PIGL: variants seen among roughly 807,000 people sequenced by gnomAD.
The protein encoded by PIGL is phosphatidylinositol glycan anchor biosynthesis class L.
A neutral mutation model predicts 31.1 loss-of-function variants in PIGL; 22 were observed. That is an observed-to-expected ratio of 0.71 (90% CI 0.51 to 1.01). The LOEUF is 1.01. Among genes scored for constraint, PIGL ranks in the 50% least tolerant of loss-of-function variants. The pLI is 0.00. For synonymous variants in PIGL, 131 were observed against 117.4 expected (o/e 1.12, Z -0.75); for missense variants, 302 against 315.9 (o/e 0.96, Z 0.33).
At chr17:16,263,500 TTTTGTTTG>T (rs2092827830) in intron 2 of PIGL, among the ~76,000 whole-genome samples, 1 of 151,380 alleles carries the variant, frequency 6.6e-6, no homozygotes, top group Admixed American at 6.6e-5. Context: ...ATTGGTTTTT[TTTTGTTTG>T]TTTTGTTTAG....
At chr17:16,324,064 C>G (rs1050588993) in intron 6 of PIGL, among the ~76,000 whole-genome samples, 1 of 151,724 alleles carries the variant, frequency 6.6e-6, no homozygotes, top group Non-Finnish European at 1.5e-5. Flanking sequence ...TCAAGCGAGT[C>G]CCCTGCCTCA....
intron 1 of PIGL, among the ~76,000 whole-genome samples, chr17:16,227,187 C>T (rs1386255974): frequency 6.6e-6 from 1 of 151,972 alleles, no homozygotes; most frequent in African/African-American, 2.4e-5. Context: ...CGGCTCACTG[C>T]AACCTCCACC....
intron 3 of PIGL, among the ~76,000 whole-genome samples, chr17:16,310,092 A>AAG (rs1555866652): frequency 2.6e-5 from 4 of 151,418 alleles, no homozygotes; most frequent in Admixed American, 1.3e-4. Flanking sequence ...AAAAAAAAAA[A>AAG]AAAGAAAGAA....
At chr17:16,292,276 C>T (rs1399979367) in intron 2 of PIGL, among the ~76,000 whole-genome samples, 1 of 151,758 alleles carries the variant, frequency 6.6e-6, no homozygotes, top group Non-Finnish European at 1.5e-5. Context: ...TCAGGTGATC[C>T]ACCCGCCTCA....
At chr17:16,265,694 C>T (rs1235325981) in intron 2 of PIGL, among the ~76,000 whole-genome samples, 1 of 151,388 alleles carries the variant, frequency 6.6e-6, no homozygotes, top group African/African-American at 2.4e-5. Context: ...GAGCCAAGAT[C>T]GCACCACTGC....
chr17:16,319,609 G>A (rs1334595583), intron 6 of PIGL, among the ~76,000 whole-genome samples: 1 of 152,060 alleles, frequency 6.6e-6, no homozygotes, highest in Non-Finnish European at 1.5e-5. Context: ...CAAAAAAGTA[G>A]CCGGGCGTGG....
intron 2 of PIGL, among the ~76,000 whole-genome samples, chr17:16,274,968 G>A (rs961555563): frequency 6.6e-6 from 1 of 151,560 alleles, no homozygotes; most frequent in African/African-American, 2.4e-5. Flanking sequence ...GGAGGCAGAG[G>A]CTGCAGTGAG....
At chr17:16,311,227 G>A (rs562727025) in intron 3 of PIGL, among the ~76,000 whole-genome samples, 32 of 150,086 alleles carry the variant, frequency 2.1e-4, no homozygotes, top group South Asian at 6.4e-4. Context: ...CCTTGTTGTC[G>A]TTTTTATATT....
At chr17:16,312,704 C>CTAAAA (rs1342816801) in intron 3 of PIGL, 1 of 170,356 alleles carries the variant, frequency 5.9e-6, no homozygotes, top group African/African-American at 2.4e-5. Flanking sequence ...AGATCACTTG[C>CTAAAA]GGTTAGGAGC....
At chr17:16,277,549 C>G (rs1238909944) in intron 2 of PIGL, among the ~76,000 whole-genome samples, 1 of 152,180 alleles carries the variant, frequency 6.6e-6, no homozygotes, top group Non-Finnish European at 1.5e-5. Flanking sequence ...TCTGTTAGGT[C>G]AATCCATGCA....
At chr17:16,240,108 G>T (rs1439115621) in intron 2 of PIGL, among the ~76,000 whole-genome samples, 1 of 152,080 alleles carries the variant, frequency 6.6e-6, no homozygotes, top group African/African-American at 2.4e-5. Context: ...ATCCTCCTTG[G>T]TACTGTCCTT....
Position 16,317,949 on chromosome 17 carries a change from T to C in PIGL, c.660+41T>C, listed in dbSNP as rs753286101. 7 of 1,421,018 alleles carry C rather than the reference T, an allele frequency of 4.9e-6. No homozygotes were observed. The East Asian group carries it at 1.7e-4, about 35-fold the overall frequency. The allele number at this position is 1,421,018 out of a possible 1,614,324, so 88.0% of individuals were successfully genotyped here. ...TCCTGGACACCCCAACTCAGATCCC[T>C]GCCCCAGACCCCTGTCTCCTCAAAG... On this transcript the variant is annotated intron_variant, in intron 6 of 6. Transcript: ENST00000225609.
intron 3 of PIGL, among the ~76,000 whole-genome samples, chr17:16,300,344 C>A (rs868149846): frequency 7.2e-5 from 11 of 152,158 alleles, no homozygotes; most frequent in South Asian, 2.1e-4. Context: ...CTTGACCTCA[C>A]CTTTTACCAA....
intron 3 of PIGL, among the ~76,000 whole-genome samples, chr17:16,310,286 A>AGTGTGTGTGTGTGT (rs10522327): frequency 2.1e-5 from 3 of 146,268 alleles, no homozygotes; most frequent in South Asian, 2.2e-4. Flanking sequence ...ATTATTAAAA[A>AGTGTGTGTGTGTGT]GTGTGTGTGT....
At chr17:16,219,785 C>T (rs970422587) in intron 1 of PIGL, among the ~76,000 whole-genome samples, 3 of 151,396 alleles carry the variant, frequency 2.0e-5, no homozygotes, top group South Asian at 2.1e-4. Flanking sequence ...AGGCTAGTCT[C>T]GAACTCCTGA....
chr17:16,299,790 A>G (rs1171655062), intron 2 of PIGL, 98 bp from the exon 3 acceptor site: 51 of 833,330 alleles, frequency 6.1e-5, no homozygotes, highest in South Asian at 4.7e-4. Context: ...CTTACCCCCA[A>G]TGTAACTATC....
intron 2 of PIGL, among the ~76,000 whole-genome samples, chr17:16,287,873 C>T (rs983668237): frequency 3.3e-5 from 5 of 152,186 alleles, no homozygotes; most frequent in South Asian, 2.1e-4. Flanking sequence ...ACTCCAATTG[C>T]GGTGAAAGTG....
At chr17:16,313,424 G>A (rs2093063153) in intron 3 of PIGL, 123 bp from the exon 4 acceptor site, 2 of 749,972 alleles carry the variant, frequency 2.7e-6, no homozygotes, top group South Asian at 1.5e-5. Flanking sequence ...AGTCACTTCA[G>A]ATAGATGCTG....
intron 2 of PIGL, among the ~76,000 whole-genome samples, chr17:16,273,990 T>A (rs1004377314): frequency 6.6e-6 from 1 of 152,206 alleles, no homozygotes; most frequent in Non-Finnish European, 1.5e-5. Flanking sequence ...CATGTTCTCA[T>A]TAGCAAACTG....
Sources: allele counts gnomAD v4.1 joint callset (sites outside exome capture counted in the v4.1 genomes callset), GRCh38; gene constraint gnomAD v4.1.1; transcripts MANE v1.5; gene names NCBI Gene and HGNC (gene_info 2026-07-23, HGNC 2026-07-21).